Variants in SEPTIN2 observed in about 807,000 individuals in gnomAD.
SEPTIN2 encodes septin-2.
In SEPTIN2, 34 loss-of-function variants were observed where a neutral mutation model predicts 46.5. The ratio of observed to expected loss-of-function variants is 0.73; its 90% confidence interval spans 0.56 to 0.97. The LOEUF is 0.97. Ranked by LOEUF, SEPTIN2 falls within the 50% of genes least tolerant of loss-of-function variation. The pLI is 0.00. For synonymous variants in SEPTIN2, 175 were observed against 153.4 expected, an observed-to-expected ratio of 1.14 and a Z score of -1.04; for missense variants, 347 against 448.4, an observed-to-expected ratio of 0.77 and a Z score of 2.04.
chr2:241,324,765 C>G (rs2077673634), intron 2 of SEPTIN2: 1 of 156,768 alleles, frequency 6.4e-6, no homozygotes, highest in Non-Finnish European at 1.4e-5. Context: ...AGTAACAGTC[C>G]TTTTGGCCCC....
At chr2:241,319,679 C>T (rs550430935) in intron 1 of SEPTIN2, among the ~76,000 whole-genome samples, 1 of 152,206 alleles carries the variant, frequency 6.6e-6, no homozygotes, top group Non-Finnish European at 1.5e-5. Flanking sequence ...ACAGCCTTCA[C>T]CTCCTGGGCT....
chr2:241,335,368 G>A (rs896751160), intron 4 of SEPTIN2, 156 bp downstream of exon 4: 10 of 1,551,926 alleles, frequency 6.4e-6, no homozygotes, highest in Non-Finnish European at 8.7e-6. Flanking sequence ...GTGCTGCACC[G>A]AGGTCCTTGG....
At chr2:241,329,512 CT>C (rs1206761255) in intron 3 of SEPTIN2, among the ~76,000 whole-genome samples, 1 of 152,136 alleles carries the variant, frequency 6.6e-6, no homozygotes, top group Non-Finnish European at 1.5e-5. Flanking sequence ...AAACTACAGA[CT>C]AATATATGTT....
At chr2:241,347,332 A>G (rs10933553) in intron 10 of SEPTIN2, among the ~76,000 whole-genome samples, 29,094 of 152,212 alleles carry the variant, frequency 0.19, 2,920 homozygotes, top group Middle Eastern at 0.28. Context: ...TGTTGTACAC[A>G]TTGAAGTCTA....
At chr2:241,329,027 A>G (rs1401572221) in intron 3 of SEPTIN2, among the ~76,000 whole-genome samples, 1 of 152,134 alleles carries the variant, frequency 6.6e-6, no homozygotes, top group African/African-American at 2.4e-5. Flanking sequence ...TCTCTCACAC[A>G]CAAAAAAGGT....
rs1559577216 is a variant in SEPTIN2 at position 241,316,494 on chromosome 2, G to A, written c.-18+512G>A. ...TGCCGTGGATAAGCGAGGGGAGAGC[G>A]ACTAGGCCCTGTCTGCGGGTACCTT... On this transcript the variant is annotated intron_variant, in intron 1 of 12. Coordinates refer to ENST00000391971, the MANE Select transcript of SEPTIN2 (RefSeq NM_004404.5). 4.6e-6 allele frequency: 7 copies of A among 1,508,192 alleles called. 1 individual carries two copies. The highest frequency in any genetic ancestry group is 3.4e-4 in the Middle Eastern group (2 of 5,876). The allele number at this position is 1,508,192 out of a possible 1,614,324, so 93.4% of individuals were successfully genotyped here.
intron 3 of SEPTIN2, among the ~76,000 whole-genome samples, chr2:241,332,391 TAAAC>T (rs1364147140): frequency 1.3e-5 from 2 of 152,124 alleles, no homozygotes; most frequent in African/African-American, 2.4e-5. Flanking sequence ...CTAAGGAAGA[TAAAC>T]AAATAGCCAA....
rs554559290 is a variant in SEPTIN2, at chr2:241,333,114, A to C, written c.131-2012A>C. On this transcript the variant is annotated intron_variant, in intron 3 of 12. Coordinates refer to ENST00000391971, the MANE Select transcript of SEPTIN2 (RefSeq NM_004404.5). ...TTTTAGTATTTGTAAATCGTGCCTC[A>C]AAGTGGCTTTAAAATAAAACAGGTA... is the stretch of plus-strand genomic sequence containing the variant. Among the ~76,000 whole-genome samples, 19 of 152,354 alleles carry C rather than the reference A, an allele frequency of 1.2e-4. 1 individual carries two copies. The highest frequency in any genetic ancestry group is 2.2e-4 in the Non-Finnish European group (15 of 68,034).
intron 1 of SEPTIN2, chr2:241,316,401 C>G (rs907805521): frequency 5.3e-6 from 5 of 947,982 alleles, no homozygotes; most frequent in African/African-American, 1.7e-5. Context: ...GTCTTTCTAA[C>G]GGTGCCATTT....
chr2:241,325,755 T>C (rs905998847), intron 2 of SEPTIN2, among the ~76,000 whole-genome samples: 5 of 152,192 alleles, frequency 3.3e-5, no homozygotes, highest in African/African-American at 1.2e-4. Context: ...ATTAACAAAA[T>C]GTTAATTTTC....
chr2:241,337,138 C>T (rs2080160863), intron 5 of SEPTIN2: 3 of 431,684 alleles, frequency 6.9e-6, no homozygotes, highest in Non-Finnish European at 4.1e-6. Context: ...CACTGGCCCT[C>T]TCTCAGGTGC....
chr2:241,319,491 C>T (rs1054714933), intron 1 of SEPTIN2, among the ~76,000 whole-genome samples: 3 of 152,102 alleles, frequency 2.0e-5, no homozygotes, highest in Non-Finnish European at 2.9e-5. Flanking sequence ...GCATTCCTGC[C>T]GAATTATCGG....
intron 1 of SEPTIN2, 118 bp from the exon 2 acceptor site, chr2:241,324,098 C>T (rs1165730899): frequency 9.2e-6 from 8 of 872,784 alleles, no homozygotes; most frequent in South Asian, 1.6e-5. Context: ...TTTCTTTTTA[C>T]ATTGCCTATG....
rs1229141042 is a variant in SEPTIN2 at position 241,335,907 on chromosome 2, T to A, written c.218-68T>A. ...AGGCAGTAGACTCTGAAGTCACCTGTCGTAAGAACGTGAGCTTTCCTCTTC... is the reference window on the plus strand; with the variant it reads ...AGGCAGTAGACTCTGAAGTCACCTGACGTAAGAACGTGAGCTTTCCTCTTC... On this transcript the variant is annotated intron_variant, in intron 4 of 12. Transcript: ENST00000391971. 2.5e-6 allele frequency: 4 copies of A among 1,608,632 alleles called. No homozygotes were observed. The South Asian group carries it at 3.3e-5, about 13-fold the overall frequency.
At chr2:241,329,541 G>A (rs1013243420) in intron 3 of SEPTIN2, among the ~76,000 whole-genome samples, 1 of 152,002 alleles carries the variant, frequency 6.6e-6, no homozygotes, top group African/African-American at 2.4e-5. Flanking sequence ...CTTGTTTTTC[G>A]GTGCCATAAA....
At chr2:241,348,603 TTA>T (rs1241282984) in intron 11 of SEPTIN2, among the ~76,000 whole-genome samples, 1 of 152,124 alleles carries the variant, frequency 6.6e-6, no homozygotes, top group East Asian at 1.9e-4. Context: ...AACTTAAAGT[TTA>T]TAGTTTTTTT....
Position 241,353,559 on chromosome 2 carries a change from G to C in SEPTIN2, c.*1622G>C, listed in dbSNP as rs1444888237. 6.6e-6 allele frequency: 1 copy of C among 152,194 alleles called. No individual in the cohort carries two copies. The highest frequency in any genetic ancestry group is 1.5e-5 in the Non-Finnish European group (1 of 68,032). 9.4% of individuals were successfully genotyped at this position (152,194 alleles called of 1,614,324 possible). A position where few individuals can be genotyped will look rare whatever the true frequency, so the allele number is the denominator to read the frequency against. Reference sequence around the variant, plus strand: ...CTACAGAAAATAATCTGGTGTTCTTGCTAACTTTGCCCTTCACTGTTGCTT... The same window carrying C: ...CTACAGAAAATAATCTGGTGTTCTTCCTAACTTTGCCCTTCACTGTTGCTT... On this transcript the variant is annotated 3_prime_UTR_variant, in exon 13 of 13. Coordinates refer to ENST00000391971, the MANE Select transcript of SEPTIN2 (RefSeq NM_004404.5).
intron 3 of SEPTIN2, among the ~76,000 whole-genome samples, chr2:241,334,715 TAG>T (rs1459327084): frequency 1.3e-5 from 2 of 152,186 alleles, no homozygotes; most frequent in Admixed American, 1.3e-4. Context: ...CACTATGGGA[TAG>T]ATATGTTCAG....
intron 12 of SEPTIN2, chr2:241,351,320 T>A (rs750680438): frequency 7.2e-5 from 11 of 152,126 alleles, no homozygotes; most frequent in Non-Finnish European, 1.5e-4. Flanking sequence ...AATACGGTAT[T>A]TACACAAAAT....
Sources: allele counts gnomAD v4.1 joint callset (sites outside exome capture counted in the v4.1 genomes callset), GRCh38; gene constraint gnomAD v4.1.1; transcripts MANE v1.5; gene names NCBI Gene and HGNC (gene_info 2026-07-23, HGNC 2026-07-21).